The following HOMER2 variants were observed in gnomAD, a reference collection of about 807,000 sequenced individuals.
HOMER2 encodes homer protein homolog 2.
Under a neutral mutation model 47.0 loss-of-function variants are expected in HOMER2, and 27 were observed. The observed-to-expected ratio is 0.57, with a 90% confidence interval of 0.42 to 0.79. The LOEUF (loss-of-function observed/expected upper bound fraction) is 0.79, where lower values mean the gene tolerates loss of function less well. Among genes scored for constraint, HOMER2 ranks in the 30% least tolerant of loss-of-function variants. HOMER2 has a pLI of 0.00. For missense variants in HOMER2, 443 were observed against 435.0 expected, an observed-to-expected ratio of 1.02 and a Z score of -0.16; for synonymous variants, 161 against 163.8, an observed-to-expected ratio of 0.98 and a Z score of 0.13.
chr15:82,840,695 A>G (rs781334995), exon 2 of HOMER2: 4 of 152,222 alleles, frequency 2.6e-5, no homozygotes, highest in South Asian at 4.1e-4. Context: ...CTCCGCCTCC[A>G]GAAGTGCTGG....
chr15:82,888,605 T>G lies in HOMER2; in HGVS notation c.162+4080A>C, dbSNP rs536558001. 4.2e-5 allele frequency among the ~76,000 whole-genome samples: 2 copies of G among 47,094 alleles called. 1 individual carries two copies. The highest frequency in any genetic ancestry group is 1.4e-3 in the South Asian group (2 of 1,422). 30.9% of individuals were successfully genotyped at this position (47,094 alleles called of 152,430 possible). A position where few individuals can be genotyped will look rare whatever the true frequency, so the allele number is the denominator to read the frequency against. Reference sequence around the variant, plus strand: ...TGGGATATAGTCTCGTGGTGCGCCGTTTCTTAAGCCGGTCTGAAAAGCGCA... The same window carrying G: ...TGGGATATAGTCTCGTGGTGCGCCGGTTCTTAAGCCGGTCTGAAAAGCGCA... On this transcript the variant is annotated intron_variant, in intron 2 of 8. Transcript: ENST00000450735.
At chr15:82,894,567 A>G (rs556192145) in intron 1 of HOMER2, among the ~76,000 whole-genome samples, 6 of 151,352 alleles carry the variant, frequency 4.0e-5, no homozygotes, top group African/African-American at 1.5e-4. Flanking sequence ...GCTACTCGGG[A>G]GGCTGAGGCA....
intron 1 of HOMER2, among the ~76,000 whole-genome samples, chr15:82,937,165 T>A (rs1418459844): frequency 6.6e-6 from 1 of 152,210 alleles, no homozygotes; most frequent in East Asian, 1.9e-4. Flanking sequence ...AACATAGTCA[T>A]ACAGCAAATA....
intron 3 of HOMER2, among the ~76,000 whole-genome samples, chr15:82,866,051 A>T (rs2458017): frequency 1.3e-5 from 2 of 152,060 alleles, no homozygotes; most frequent in African/African-American, 4.8e-5. Context: ...ACCCCAGAAT[A>T]GTAGATCAAC....
chr15:82,868,297 G>A (rs1228989016), intron 3 of HOMER2, among the ~76,000 whole-genome samples: 1 of 150,524 alleles, frequency 6.6e-6, no homozygotes, highest in Non-Finnish European at 1.5e-5. Context: ...TTACTCTTTT[G>A]ATAGTCTCTT....
chr15:82,908,135 A>T (rs1343761589), intron 1 of HOMER2, among the ~76,000 whole-genome samples: 1 of 122,552 alleles, frequency 8.2e-6, no homozygotes, highest in Non-Finnish European at 1.9e-5. Context: ...CTGCTAATGG[A>T]TTCTGACTTT....
intron 1 of HOMER2, among the ~76,000 whole-genome samples, chr15:82,967,328 G>C (rs1596387260): frequency 6.6e-6 from 1 of 152,128 alleles, no homozygotes; most frequent in Non-Finnish European, 1.5e-5. Flanking sequence ...ACCATTCTTT[G>C]CTTATATTAA....
chr15:82,914,809 T>C (rs1197333598), intron 1 of HOMER2, among the ~76,000 whole-genome samples: 1 of 151,922 alleles, frequency 6.6e-6, no homozygotes, highest in Non-Finnish European at 1.5e-5. Flanking sequence ...ACTGAGTCCT[T>C]AGGAGGACAA....
intron 1 of HOMER2, among the ~76,000 whole-genome samples, chr15:82,932,655 T>C (rs1008980604): frequency 4.6e-5 from 7 of 152,108 alleles, no homozygotes; most frequent in African/African-American, 1.7e-4. Context: ...TGAGAATTAA[T>C]GCGCTGCCTC....
chr15:82,944,290 T>G (rs2151224547), intron 1 of HOMER2, among the ~76,000 whole-genome samples: 1 of 152,274 alleles, frequency 6.6e-6, no homozygotes, highest in South Asian at 2.1e-4. Flanking sequence ...TGATGCCAGC[T>G]CTCACCTCCA....
chr15:82,929,554 G>A (rs2053950779), intron 1 of HOMER2, among the ~76,000 whole-genome samples: 1 of 150,476 alleles, frequency 6.6e-6, no homozygotes, highest in Non-Finnish European at 1.5e-5. Flanking sequence ...TACTTGGGAG[G>A]CTGAGGCAAG....
At chr15:82,965,029 C>A (rs1464597289) in intron 1 of HOMER2, among the ~76,000 whole-genome samples, 2 of 151,898 alleles carry the variant, frequency 1.3e-5, no homozygotes, top group African/African-American at 4.8e-5. Context: ...ACTATATTTT[C>A]TTTTTTTTGA....
At chr15:82,931,276 C>G (rs2054001922) in intron 1 of HOMER2, among the ~76,000 whole-genome samples, 1 of 152,210 alleles carries the variant, frequency 6.6e-6, no homozygotes, top group South Asian at 2.1e-4. Context: ...CCTTGAGAGA[C>G]AGGCCCCCTG....
chr15:82,970,501 A>T (rs531274296), intron 1 of HOMER2, among the ~76,000 whole-genome samples: 1 of 152,240 alleles, frequency 6.6e-6, no homozygotes, highest in South Asian at 2.1e-4. Flanking sequence ...TTTGGTTTTG[A>T]TCCTTACTTC....
rs2051544837 is a variant in HOMER2 at position 82,855,327 on chromosome 15, A to C, written c.495-527T>G. On this transcript the variant is annotated intron_variant, in intron 5 of 8. Coordinates refer to ENST00000450735, the MANE Select transcript of HOMER2 (RefSeq NM_004839.4). ...GCGACAGAGCGAGACTCCATCTCCAAAAAAAAAAAAAAAAAAAAAAAAGAA... is the reference window on the plus strand; with the variant it reads ...GCGACAGAGCGAGACTCCATCTCCACAAAAAAAAAAAAAAAAAAAAAAGAA... Among the ~76,000 whole-genome samples the C allele has an allele frequency of 4.4e-5, 6 of 136,598 alleles. No individual in the cohort carries two copies. In the South Asian group the frequency reaches 1.3e-3, roughly 30 times the overall value. The allele number at this position is 136,598 out of a possible 152,430, so 89.6% of individuals were successfully genotyped here.
chr15:82,842,172 T>G (rs1273356530), exon 2 of HOMER2: 1 of 152,142 alleles, frequency 6.6e-6, no homozygotes. Flanking sequence ...CTGAGAAACA[T>G]AAAACATAAA....
chr15:82,949,662 G>GA (rs1406381443), intron 1 of HOMER2, among the ~76,000 whole-genome samples: 4 of 152,212 alleles, frequency 2.6e-5, no homozygotes, highest in Non-Finnish European at 5.9e-5. Context: ...GCAAAGAAGT[G>GA]AAACAGGAGA....
At position 82,952,715 on chromosome 15, in the gene HOMER2, A is replaced by T. The variant is rs1172774565; in HGVS notation, c.-180T>A. 3.1e-6 allele frequency: 3 copies of T among 981,746 alleles called. No homozygotes were observed. The highest frequency in any genetic ancestry group is 3.6e-6 in the Non-Finnish European group (3 of 828,856). The allele number at this position is 981,746 out of a possible 1,614,324, so 60.8% of individuals were successfully genotyped here. On this transcript the variant is annotated 5_prime_UTR_variant, in exon 1 of 9. Transcript: ENST00000450735. Reference sequence around the variant, plus strand: ...TGCTGCCACTGCCGCCACCGCCGCCAGGCGCGGGCGGGCGGGGGCTGGGCG... The same window carrying T: ...TGCTGCCACTGCCGCCACCGCCGCCTGGCGCGGGCGGGCGGGGGCTGGGCG...
rs1192307126 is a variant in HOMER2, at chr15:82,875,352, T to C, written c.215A>G (p.Gln72Arg). The C allele has an allele frequency of 1.2e-6, 2 of 1,613,998 alleles. No homozygotes were observed. Among genetic ancestry groups the C allele is most frequent in the Non-Finnish European group, 1.7e-6 (2 of 1,179,878 alleles). The stretch of plus-strand genomic sequence containing the variant: ...GCTGTCGGCCCACTGCCCAAACTTC[T>C]GTGACGTTTTGGTGAAGGTCATATT... ...TPNMTFTKTSQKFGQWADSRA... is the reference protein window; with the variant it reads ...TPNMTFTKTSRKFGQWADSRA... Residue 72 changes from glutamine (Q) to arginine (R), a missense_variant, in exon 3 of 9, where the codon CAG (glutamine) becomes CGG (arginine). Gln to Arg is a conservative substitution (Grantham distance 43). Transcript: ENST00000450735.
Sources: gnomAD v4.1 joint callset for allele counts (sites outside exome capture counted in the v4.1 genomes callset) on GRCh38, gnomAD v4.1.1 for gene constraint, MANE v1.5 for transcripts, NCBI Gene and HGNC (gene_info 2026-07-23, HGNC 2026-07-21) for gene names.